Variants in DNAH5 observed in about 807,000 individuals in gnomAD.
DNAH5 encodes dynein axonemal heavy chain 5, also known as axonemal beta dynein heavy chain 5.
Under a neutral mutation model 518.2 loss-of-function variants are expected in DNAH5, and 372 were observed. That is an observed-to-expected ratio of 0.72 (90% CI 0.66 to 0.78). The LOEUF (loss-of-function observed/expected upper bound fraction) is 0.78. Ranked by LOEUF, DNAH5 falls within the 30% of genes least tolerant of loss-of-function variation. The probability of loss-of-function intolerance (pLI) is 0.00; values close to 1 mark genes in which losing one functional copy is unlikely to be tolerated. For synonymous variants in DNAH5, 2,039 were observed against 2,025.9 expected (o/e 1.01, Z -0.17); for missense variants, 5,523 against 5,687.0 (o/e 0.97, Z 0.93).
chr5:13,986,895 G>T (rs545380227), intron 1 of DNAH5, among the ~76,000 whole-genome samples: 3 of 152,322 alleles, frequency 2.0e-5, no homozygotes, highest in East Asian at 3.9e-4. Context: ...CAGTCTGCAT[G>T]CCTCTCGCCA....
chr5:13,898,962 C>T (rs149318858), intron 15 of DNAH5: 100 of 178,852 alleles, frequency 5.6e-4, no homozygotes, highest in African/African-American at 2.1e-3. Flanking sequence ...AGACGGATCT[C>T]GCTCTGTCAC....
chr5:13,802,416 T>C (rs1266834394), intron 47 of DNAH5, among the ~76,000 whole-genome samples: 1 of 152,210 alleles, frequency 6.6e-6, no homozygotes, highest in Non-Finnish European at 1.5e-5. Flanking sequence ...AACTCAGCTT[T>C]TATAATTCCT....
At chr5:13,881,994 T>C (rs1198157919) in intron 21 of DNAH5, among the ~76,000 whole-genome samples, 1 of 152,172 alleles carries the variant, frequency 6.6e-6, no homozygotes, top group African/African-American at 2.4e-5. Flanking sequence ...GAGATATTAC[T>C]ACTGATAACC....
At chr5:13,709,808 A>T (rs1300138743) in intron 75 of DNAH5, among the ~76,000 whole-genome samples, 1 of 152,190 alleles carries the variant, frequency 6.6e-6, no homozygotes, top group Non-Finnish European at 1.5e-5. Flanking sequence ...CCACAGCAAG[A>T]CAAGCCTAAG....
intron 31 of DNAH5, among the ~76,000 whole-genome samples, chr5:13,849,176 A>G (rs778246179): frequency 2.0e-5 from 3 of 152,244 alleles, no homozygotes; most frequent in Non-Finnish European, 2.9e-5. Flanking sequence ...CCCCAGCTGT[A>G]TGCTGAAGCC....
At chr5:13,946,311 C>G (rs77184086), upstream of DNAH5, among the ~76,000 whole-genome samples, 3,052 of 152,222 alleles carry the variant, frequency 0.02, 102 homozygotes, top group African/African-American at 0.07. Context: ...CAGGCATAAC[C>G]ATGACTCCCT....
intron 28 of DNAH5, 151 bp downstream of exon 28, chr5:13,864,246 T>C (rs575746539): frequency 8.2e-5 from 79 of 961,846 alleles, no homozygotes; most frequent in South Asian, 4.7e-4. Context: ...TTAGGCCAAA[T>C]AAGCATTTGT....
rs759459740 is a variant in DNAH5, at chr5:13,840,993, G to A, written c.5622C>T (p.Thr1874=). ...LELLNTLIDV[T]TRDLSSTERV... is the part of the protein sequence containing the mutation. Reference sequence around the variant, plus strand: ...GTTCCGTGGAACTCAGATCCCTCGTGGTGACGTCTATCAATGTATTGAGTA... The same window carrying A: ...GTTCCGTGGAACTCAGATCCCTCGTAGTGACGTCTATCAATGTATTGAGTA... The change falls in exon 34 of 79, where the codon ACC becomes ACT. Residue 1874 remains threonine (T), a synonymous_variant. Transcript: ENST00000265104. 9.9e-6 allele frequency: 16 copies of A among 1,614,004 alleles called. No individual in the cohort carries two copies. The South Asian group carries it at 1.8e-4, about 18-fold the overall frequency.
At chr5:13,972,056 A>G (rs1178425956) in intron 1 of DNAH5, among the ~76,000 whole-genome samples, 2 of 151,888 alleles carry the variant, frequency 1.3e-5, no homozygotes, top group Non-Finnish European at 2.9e-5. Context: ...TCCCAGGAGG[A>G]TTATGGCTGC....
Position 13,708,101 on chromosome 5 carries a change from A to G in DNAH5, c.13338+22T>C, listed in dbSNP as rs754726295. The stretch of plus-strand genomic sequence containing the variant: ...TCACAATCATAAGTGAACAGGCAGA[A>G]TAACAGCAGGCTTATACGTACTTTT... On this transcript the variant is annotated intron_variant, in intron 76 of 78. Coordinates refer to ENST00000265104, the MANE Select transcript of DNAH5 (RefSeq NM_001369.3). 18 of 1,612,102 alleles carry G rather than the reference A, an allele frequency of 1.1e-5. No individual in the cohort carries two copies. The Admixed American group carries it at 3.0e-4, about 27-fold the overall frequency.
chr5:13,745,085 G>A (rs1749147053), intron 65 of DNAH5, among the ~76,000 whole-genome samples: 1 of 152,076 alleles, frequency 6.6e-6, no homozygotes, highest in South Asian at 2.1e-4. Flanking sequence ...GAACAATGAT[G>A]ATCCCTGAGG....
chr5:13,856,419 T>A (rs1316938021), intron 30 of DNAH5, among the ~76,000 whole-genome samples: 1 of 150,744 alleles, frequency 6.6e-6, no homozygotes, highest in Admixed American at 6.6e-5. Context: ...AAATTTCTTC[T>A]AGAAATTCTA....
intron 15 of DNAH5, chr5:13,898,537 G>A (rs1774189572): frequency 2.5e-6 from 1 of 398,438 alleles, no homozygotes; most frequent in African/African-American, 2.1e-5. Flanking sequence ...GAAGACGATG[G>A]ACTACAAGTC....
intron 22 of DNAH5, 26 bp from the exon 23 acceptor site, chr5:13,871,791 TAAG>T: frequency 6.3e-7 from 1 of 1,596,354 alleles, no homozygotes; most frequent in East Asian, 2.2e-5. Context: ...AGATTTATGT[TAAG>T]AAGGAAGAAT....
chr5:13,921,477 A>ACTCCCC (rs70964520), intron 5 of DNAH5, among the ~76,000 whole-genome samples: 2 of 74,212 alleles, frequency 2.7e-5, no homozygotes, highest in Non-Finnish European at 5.2e-5. Context: ...TCTCTCTCTC[A>ACTCCCC]CACACACACA....
intron 30 of DNAH5, among the ~76,000 whole-genome samples, chr5:13,851,725 T>G (rs1161146095): frequency 6.6e-6 from 1 of 152,124 alleles, no homozygotes; most frequent in Non-Finnish European, 1.5e-5. Context: ...TGAAAATTTC[T>G]AAGTCCAATT....
chr5:13,724,803 A>G (rs1365784065), intron 70 of DNAH5, among the ~76,000 whole-genome samples: 2 of 152,212 alleles, frequency 1.3e-5, no homozygotes, highest in East Asian at 3.8e-4. Flanking sequence ...GCCATATGAC[A>G]TGCCAGCTCC....
chr5:13,730,429 ATTCTTTCTTTCT>A (rs147879913), intron 68 of DNAH5, among the ~76,000 whole-genome samples: 15 of 150,916 alleles, frequency 9.9e-5, no homozygotes, highest in Non-Finnish European at 1.9e-4. Context: ...TCTATGCATT[ATTCTTTCTTTCT>A]TTCTTTCTTT....
intron 1 of DNAH5, among the ~76,000 whole-genome samples, chr5:13,937,368 G>A (rs1450932060): frequency 2.0e-5 from 3 of 151,092 alleles, no homozygotes; most frequent in East Asian, 3.9e-4. Context: ...GTATTTTAGT[G>A]CCAGTGTGGA....
Sources: allele counts gnomAD v4.1 joint callset (sites outside exome capture counted in the v4.1 genomes callset), GRCh38; gene constraint gnomAD v4.1.1; transcripts MANE v1.5; gene names NCBI Gene and HGNC (gene_info 2026-07-23, HGNC 2026-07-21).